QTGAL: variants seen among roughly 807,000 people sequenced by gnomAD.
QTGAL encodes the protein BGnT-like protein 1.
chr17:83,027,435 C>T, the QTGAL span, among the ~76,000 whole-genome samples: 1 of 152,186 alleles, frequency 6.6e-6, no homozygotes, highest in Admixed American at 6.5e-5. Context: ...AAAAACACAA[C>T]TTCTCCTTCG....
chr17:82,979,464 G>A, the QTGAL span: 10 of 152,184 alleles, frequency 6.6e-5, no homozygotes, highest in Admixed American at 2.0e-4. Flanking sequence ...TTAGGTATAC[G>A]TTTCTGTAAG....
the QTGAL span, among the ~76,000 whole-genome samples, chr17:82,974,466 G>A: frequency 3.9e-5 from 6 of 152,228 alleles, no homozygotes; most frequent in South Asian, 2.1e-4. Context: ...CAGGCGGGGC[G>A]GAGTCAGGGC....
the QTGAL span, among the ~76,000 whole-genome samples, chr17:82,990,721 C>T: frequency 6.6e-6 from 1 of 152,208 alleles, no homozygotes; most frequent in African/African-American, 2.4e-5. Context: ...GTGACAGGCA[C>T]TGGTTGAAGC....
chr17:83,009,152 A>G, the QTGAL span, among the ~76,000 whole-genome samples: 1 of 151,958 alleles, frequency 6.6e-6, no homozygotes, highest in African/African-American at 2.4e-5. Context: ...GGCTGGGCGC[A>G]GTGGCTCACA....
the QTGAL span, among the ~76,000 whole-genome samples, chr17:82,970,924 C>T: frequency 3.3e-5 from 5 of 152,252 alleles, no homozygotes; most frequent in East Asian, 1.9e-4. Context: ...GGGTGGAGAG[C>T]GGAAGGCAGT....
chr17:82,945,794 GC>G, the QTGAL span: 1 of 152,230 alleles, frequency 6.6e-6, no homozygotes, highest in South Asian at 2.1e-4. Flanking sequence ...TTCTGGGGGT[GC>G]CCCTGGTTGA....
chr17:82,968,631 C>T, the QTGAL span, among the ~76,000 whole-genome samples: 1 of 152,242 alleles, frequency 6.6e-6, no homozygotes, highest in South Asian at 2.1e-4. Context: ...ACCTAACCTG[C>T]AGGGACAGAC....
At chr17:82,991,857 AAG>A in the QTGAL span, among the ~76,000 whole-genome samples, 1 of 152,168 alleles carries the variant, frequency 6.6e-6, no homozygotes, top group Non-Finnish European at 1.5e-5. Context: ...AAAATTAACA[AAG>A]AGATTAAAAT....
the QTGAL span, among the ~76,000 whole-genome samples, chr17:82,966,433 T>C: frequency 6.6e-6 from 1 of 152,258 alleles, no homozygotes; most frequent in African/African-American, 2.4e-5. Context: ...ATGAACAAAG[T>C]TGAAGTTTCA....
chr17:83,035,136 C>T, the QTGAL span: 4 of 1,531,332 alleles, frequency 2.6e-6, no homozygotes, highest in African/African-American at 5.5e-5. Flanking sequence ...TTTTATAATT[C>T]AGTTTCCAGC....
At chr17:83,018,246 C>T in the QTGAL span, among the ~76,000 whole-genome samples, 4 of 150,618 alleles carry the variant, frequency 2.7e-5, no homozygotes, top group Middle Eastern at 3.5e-3. Flanking sequence ...TCCACAAACA[C>T]GGTGTGCCTG....
the QTGAL span, among the ~76,000 whole-genome samples, chr17:82,963,487 A>T: frequency 3.9e-5 from 6 of 152,312 alleles, no homozygotes; most frequent in East Asian, 1.2e-3. Flanking sequence ...CATGGATAAA[A>T]ATTCAGCCTC....
At chr17:82,968,207 C>T in the QTGAL span, among the ~76,000 whole-genome samples, 23 of 152,150 alleles carry the variant, frequency 1.5e-4, no homozygotes, top group East Asian at 4.1e-3. Flanking sequence ...GTCCCAGCAC[C>T]GTCCCCGTGT....
At chr17:82,949,182 TG>T in the QTGAL span, 1 of 152,128 alleles carries the variant, frequency 6.6e-6, no homozygotes, top group Non-Finnish European at 1.5e-5. Flanking sequence ...CAGCTGCGGG[TG>T]GTGAACAGCC....
chr17:82,962,833 A>G, the QTGAL span, among the ~76,000 whole-genome samples: 5 of 152,198 alleles, frequency 3.3e-5, no homozygotes, highest in Admixed American at 2.0e-4. Context: ...TAAAGTGAGA[A>G]TTTAGTCAAC....
At chr17:82,964,033 G>GGGT in the QTGAL span, among the ~76,000 whole-genome samples, 6 of 150,988 alleles carry the variant, frequency 4.0e-5, 1 homozygote, top group East Asian at 3.9e-4. Flanking sequence ...GAGGTCGGGG[G>GGGT]GGTGGATTGC....
chr17:82,958,473 C>A, the QTGAL span, among the ~76,000 whole-genome samples: 2 of 152,196 alleles, frequency 1.3e-5, no homozygotes, highest in African/African-American at 2.4e-5. Context: ...GTGGGTTCAG[C>A]CTCGGGATCG....
At chr17:82,974,530 C>T in the QTGAL span, among the ~76,000 whole-genome samples, 1 of 152,342 alleles carries the variant, frequency 6.6e-6, no homozygotes, top group South Asian at 2.1e-4. Context: ...TCGTGAGGGA[C>T]AGGAGTGAGG....
the QTGAL span, among the ~76,000 whole-genome samples, chr17:82,980,760 G>A: frequency 6.6e-6 from 1 of 152,192 alleles, no homozygotes; most frequent in Non-Finnish European, 1.5e-5. Flanking sequence ...AAGTCCCCGA[G>A]GCTCGTCCCT....
Sources: gnomAD v4.1 joint callset for allele counts (sites outside exome capture counted in the v4.1 genomes callset) on GRCh38, gnomAD v4.1.1 for gene constraint, MANE v1.5 for transcripts, NCBI Gene and HGNC (gene_info 2026-07-23, HGNC 2026-07-21) for gene names.